The following TENM4 variants were observed in gnomAD, a reference collection of about 807,000 sequenced individuals.
TENM4 encodes the protein teneurin transmembrane protein 4.
TENM4 carries 82 observed loss-of-function variants against 243.3 expected under a neutral mutation model. The observed-to-expected ratio is 0.34, with a 90% CI of 0.28 to 0.40. The LOEUF (loss-of-function observed/expected upper bound fraction) is 0.40. TENM4 is among the 10% of genes least tolerant of loss of function. TENM4 has a pLI of 1.00. For synonymous variants in TENM4, 1,412 were observed against 1,456.3 expected, an observed-to-expected ratio of 0.97 and a Z score of 0.69; for missense variants, 3,138 against 3,673.3, an observed-to-expected ratio of 0.85 and a Z score of 3.77.
intron 1 of TENM4, among the ~76,000 whole-genome samples, chr11:79,329,435 T>C (rs896404511): frequency 2.0e-5 from 3 of 152,186 alleles, no homozygotes; most frequent in Admixed American, 6.5e-5. Context: ...ATAGAGCTTT[T>C]GTTTTGGTGG....
At chr11:79,330,944 C>T (rs1009432311) in intron 1 of TENM4, among the ~76,000 whole-genome samples, 21 of 152,186 alleles carry the variant, frequency 1.4e-4, no homozygotes, top group African/African-American at 4.8e-4. Flanking sequence ...CCATCCCTGC[C>T]TCACCAAGAT....
intron 27 of TENM4, among the ~76,000 whole-genome samples, chr11:78,706,827 C>T (rs1337556095): frequency 2.0e-5 from 3 of 151,886 alleles, no homozygotes; most frequent in Admixed American, 2.0e-4. Context: ...CATCCTTAGG[C>T]CATGGCTTCC....
At chr11:79,084,620 A>G (rs982122713) in intron 4 of TENM4, among the ~76,000 whole-genome samples, 2 of 147,262 alleles carry the variant, frequency 1.4e-5, no homozygotes, top group Middle Eastern at 3.4e-3. Flanking sequence ...TTCATCCTAC[A>G]TTATTCCATT....
intron 1 of TENM4, among the ~76,000 whole-genome samples, chr11:79,388,760 T>G (rs999789702): frequency 6.6e-6 from 1 of 152,162 alleles, no homozygotes; most frequent in Non-Finnish European, 1.5e-5. Flanking sequence ...AAGAGGTAAA[T>G]GAGCAATTCC....
At chr11:78,759,303 C>G (rs1478268298) in intron 18 of TENM4, among the ~76,000 whole-genome samples, 1 of 152,252 alleles carries the variant, frequency 6.6e-6, no homozygotes, top group Non-Finnish European at 1.5e-5. Flanking sequence ...CACATAATTA[C>G]AGCCCGAGCT....
chr11:79,134,504 T>C (rs998539930), intron 4 of TENM4, among the ~76,000 whole-genome samples: 9 of 152,036 alleles, frequency 5.9e-5, no homozygotes, highest in African/African-American at 1.4e-4. Context: ...AATTCTAAAA[T>C]TCATATGGAA....
intron 2 of TENM4, among the ~76,000 whole-genome samples, chr11:79,220,716 C>T (rs533741135): frequency 6.6e-6 from 1 of 152,272 alleles, no homozygotes; most frequent in African/African-American, 2.4e-5. Flanking sequence ...TATAATTATT[C>T]ATCTTTACAA....
At chr11:79,137,895 A>G (rs1038938072) in intron 4 of TENM4, among the ~76,000 whole-genome samples, 1 of 151,988 alleles carries the variant, frequency 6.6e-6, no homozygotes, top group African/African-American at 2.4e-5. Flanking sequence ...AGAGATGTGC[A>G]TGGGTTCAGG....
At chr11:79,000,629 T>TA (rs1293365714) in intron 6 of TENM4, among the ~76,000 whole-genome samples, 5 of 152,050 alleles carry the variant, frequency 3.3e-5, no homozygotes, top group Non-Finnish European at 5.9e-5. Flanking sequence ...AAGATATAGT[T>TA]AAAAAAATCA....
At chr11:78,863,263 G>A (rs1176928214) in intron 9 of TENM4, 131 bp from the exon 10 acceptor site, 2 of 1,066,762 alleles carry the variant, frequency 1.9e-6, no homozygotes, top group Non-Finnish European at 2.5e-6. Context: ...AGCCCCAAAA[G>A]GAAGCTCTTG....
At chr11:78,699,393 A>C (rs1176682276) in intron 28 of TENM4, among the ~76,000 whole-genome samples, 2 of 152,348 alleles carry the variant, frequency 1.3e-5, no homozygotes, top group East Asian at 3.9e-4. Flanking sequence ...CTTGTTATCT[A>C]ATCTCTCTGT....
chr11:79,178,910 T>C (rs898747808), intron 3 of TENM4, among the ~76,000 whole-genome samples: 1 of 152,232 alleles, frequency 6.6e-6, no homozygotes, highest in African/African-American at 2.4e-5. Context: ...TCTTTTCATA[T>C]GTGTATGTAT....
chr11:78,853,639 C>A (rs1041138454), intron 12 of TENM4, among the ~76,000 whole-genome samples: 4 of 152,348 alleles, frequency 2.6e-5, no homozygotes, highest in Non-Finnish European at 5.9e-5. Context: ...TTCTTACTCT[C>A]TCTTCAAGCC....
At chr11:79,310,431 G>T (rs1388145060) in intron 1 of TENM4, among the ~76,000 whole-genome samples, 1 of 152,264 alleles carries the variant, frequency 6.6e-6, no homozygotes, top group South Asian at 2.1e-4. Context: ...AAGTTGTTTT[G>T]GGGGTCCAAT....
intron 1 of TENM4, among the ~76,000 whole-genome samples, chr11:79,389,256 A>G (rs900349217): frequency 1.3e-5 from 2 of 152,164 alleles, no homozygotes; most frequent in African/African-American, 4.8e-5. Flanking sequence ...CCTGGGTTCA[A>G]GCCATCCTCC....
intron 1 of TENM4, among the ~76,000 whole-genome samples, chr11:79,398,579 C>T (rs1590937582): frequency 6.6e-6 from 1 of 152,046 alleles, no homozygotes; most frequent in African/African-American, 2.4e-5. Context: ...GCTGCACAAA[C>T]AAGTGGCTTA....
In TENM4 at chr11:78,658,470, C is replaced by T. The variant is rs1416933792; in HGVS notation, c.7898G>A (p.Gly2633Asp). The T allele has an allele frequency of 3.7e-6, 6 of 1,613,934 alleles. No homozygotes were observed. Among genetic ancestry groups the T allele is most frequent in the Non-Finnish European group, 8.5e-7 (1 of 1,179,914 alleles). ...CAGGGTTCGCCGCCCCCCACTGAGG[C>T]CCAGGATGGCCAGGTCACCTTCTGA... ...GPSEGDLAILGLSGGRRTLEN... is the reference protein window; with the variant it reads ...GPSEGDLAILDLSGGRRTLEN... Residue 2633 changes from glycine to aspartate, a missense_variant, in exon 34 of 34, where the codon GGC becomes GAC. By Grantham distance (94) the Gly-to-Asp change is moderately conservative (BLOSUM62 -1). Transcript: ENST00000278550.
intron 6 of TENM4, among the ~76,000 whole-genome samples, chr11:79,003,703 T>C (rs10793351): frequency 0.48 from 72,808 of 151,856 alleles, 21,090 homozygotes; most frequent in African/African-American, 0.83. Context: ...CTGCTAGATA[T>C]TGTACAAGAT....
intron 6 of TENM4, among the ~76,000 whole-genome samples, chr11:78,919,924 C>T (rs1453902036): frequency 6.6e-6 from 1 of 152,104 alleles, no homozygotes; most frequent in African/African-American, 2.4e-5. Flanking sequence ...GACCTGACCA[C>T]ACCCTCCTTC....
Sources: allele counts gnomAD v4.1 joint callset (sites outside exome capture counted in the v4.1 genomes callset), GRCh38; gene constraint gnomAD v4.1.1; transcripts MANE v1.5; gene names NCBI Gene and HGNC (gene_info 2026-07-23, HGNC 2026-07-21).